The following LIN54 variants were observed in gnomAD, a reference collection of about 807,000 sequenced individuals.
LIN54 encodes the protein lin-54 DREAM MuvB core complex component, also known as protein lin-54 homolog.
Under a neutral mutation model 78.7 loss-of-function variants are expected in LIN54, and 9 were observed. That is an observed-to-expected ratio of 0.11 (90% CI 0.07 to 0.20). The LOEUF (loss-of-function observed/expected upper bound fraction) is 0.20, where lower values mean the gene tolerates loss of function less well. Ranked by LOEUF, LIN54 falls within the 10% of genes least tolerant of loss-of-function variation. The pLI is 1.00. For synonymous variants in LIN54, 269 were observed against 318.4 expected (o/e 0.84, Z 1.65); for missense variants, 573 against 889.9 (o/e 0.64, Z 4.53).
At chr4:83,003,172 C>T (rs1221804259) in intron 1 of LIN54, among the ~76,000 whole-genome samples, 1 of 152,088 alleles carries the variant, frequency 6.6e-6, no homozygotes, top group Non-Finnish European at 1.5e-5. Flanking sequence ...TGCCACCACG[C>T]TTGGCTTATT....
Position 82,969,009 on chromosome 4 carries a change from G to A in LIN54, c.951+1318C>T, listed in dbSNP as rs539240722. Among the ~76,000 whole-genome samples the A allele has an allele frequency of 1.1e-4, 16 of 152,122 alleles. No homozygotes were observed. In the South Asian group the frequency reaches 3.3e-3, roughly 32 times the overall value. On this transcript the variant is annotated intron_variant, in intron 4 of 12. Transcript: ENST00000340417. ...CAGGTGATCCCAATAAGCAGATAAG[G>A]GCGAGAATCACTGTCCTAGAAGCAA...
intron 4 of LIN54, 152 bp downstream of exon 4, chr4:82,970,175 A>C: frequency 1.5e-6 from 1 of 683,398 alleles, no homozygotes; most frequent in Non-Finnish European, 2.4e-6. Context: ...TTAATCTGTC[A>C]GACATCCTTG....
intron 4 of LIN54, among the ~76,000 whole-genome samples, chr4:82,967,183 G>A (rs988784384): frequency 2.0e-5 from 3 of 149,228 alleles, no homozygotes; most frequent in South Asian, 2.1e-4. Flanking sequence ...CCGAGATGGC[G>A]CCACTGCACT....
chr4:82,974,736 T>C (rs531131346), intron 3 of LIN54, among the ~76,000 whole-genome samples: 4 of 151,402 alleles, frequency 2.6e-5, no homozygotes. Flanking sequence ...GACTCCATCT[T>C]AAATCCCAGC....
chr4:82,937,379 A>G (rs955072742), intron 8 of LIN54, 81 bp from the exon 9 acceptor site: 2 of 866,424 alleles, frequency 2.3e-6, no homozygotes, highest in Non-Finnish European at 1.8e-6. Flanking sequence ...CTAATTTAAA[A>G]TTTAAAAAAT....
chr4:82,999,487 G>T (rs767176229), intron 1 of LIN54, among the ~76,000 whole-genome samples: 1 of 152,032 alleles, frequency 6.6e-6, no homozygotes, highest in Non-Finnish European at 1.5e-5. Flanking sequence ...TTGGCCAGGT[G>T]TGGCCAAAGT....
chr4:82,953,984 C>T (rs1724069464), intron 4 of LIN54, among the ~76,000 whole-genome samples: 1 of 151,952 alleles, frequency 6.6e-6, no homozygotes, highest in Non-Finnish European at 1.5e-5. Context: ...AATCAAATAC[C>T]AATTTAACCA....
rs1211657190 is a variant in LIN54 at position 82,984,288 on chromosome 4, A to G, written c.557T>C (p.Val186Ala). The change falls in exon 2 of 13, where the codon GTT becomes GCT. Residue 186 changes from valine (V) to alanine (A), a missense_variant. Transcript: ENST00000340417. Reference protein sequence around the residue: ...AKLPPQQIKVVTIGGRPEVKP... With the variant: ...AKLPPQQIKVATIGGRPEVKP... Reference sequence around the variant, plus strand: ...CACCTCTGGCCTCCCTCCAATGGTAACTACTTTAATTTGCTGCGGTGGTAA... The same window carrying G: ...CACCTCTGGCCTCCCTCCAATGGTAGCTACTTTAATTTGCTGCGGTGGTAA... 6.2e-7 allele frequency: 1 copy of G among 1,614,038 alleles called. No individual in the cohort carries two copies. The highest frequency in any genetic ancestry group is 8.5e-7 in the Non-Finnish European group (1 of 1,180,052).
At chr4:82,998,021 T>C (rs1728378007) in intron 1 of LIN54, among the ~76,000 whole-genome samples, 2 of 106,558 alleles carry the variant, frequency 1.9e-5, no homozygotes, top group Non-Finnish European at 3.6e-5. Flanking sequence ...AATATATATA[T>C]AATAATATAT....
intron 4 of LIN54, among the ~76,000 whole-genome samples, chr4:82,963,289 A>G (rs1468696196): frequency 6.6e-6 from 1 of 152,192 alleles, no homozygotes; most frequent in East Asian, 1.9e-4. Context: ...TTTTCAAACA[A>G]GCAAAAGCTG....
chr4:82,959,690 G>A (rs1724633666), intron 4 of LIN54, among the ~76,000 whole-genome samples: 1 of 151,940 alleles, frequency 6.6e-6, no homozygotes, highest in African/African-American at 2.4e-5. Context: ...GATAGATGAT[G>A]ACACAAAAAT....
At chr4:82,990,599 T>C (rs1727599837) in intron 1 of LIN54, among the ~76,000 whole-genome samples, 1 of 152,010 alleles carries the variant, frequency 6.6e-6, no homozygotes, top group Non-Finnish European at 1.5e-5. Flanking sequence ...TTCTCCTGCC[T>C]CAGCCTCCTG....
chr4:82,959,303 G>A (rs1191227918), intron 4 of LIN54, among the ~76,000 whole-genome samples: 1 of 152,008 alleles, frequency 6.6e-6, no homozygotes, highest in African/African-American at 2.4e-5. Flanking sequence ...AGACCAGCCT[G>A]GGCAACATCA....
intron 2 of LIN54, 117 bp downstream of exon 2, chr4:82,984,044 A>G (rs2126086504): frequency 1.4e-6 from 1 of 714,432 alleles, no homozygotes; most frequent in Non-Finnish European, 2.3e-6. Flanking sequence ...ACATAAAACA[A>G]CATTCAAAAG....
chr4:82,967,464 G>A (rs80099949), intron 4 of LIN54, among the ~76,000 whole-genome samples: 3 of 152,204 alleles, frequency 2.0e-5, no homozygotes, highest in Non-Finnish European at 4.4e-5. Flanking sequence ...AGTTAGGCAA[G>A]CTGCACTTTT....
In LIN54 at chr4:82,984,645, G is replaced by A; in HGVS notation, c.200C>T (p.Thr67Ile). 6.2e-7 allele frequency: 1 copy of A among 1,614,146 alleles called. No individual in the cohort carries two copies. ...TATPISTEPI[T>I]VYSNHTNQVA... ...TTGGTTAGTGTGGTTACTGTACACT[G>A]TGATTGGTTCCGTGGAAATGGGCGT... Residue 67 changes from threonine to isoleucine, a missense_variant, in exon 2 of 13, where the codon ACA becomes ATA. Transcript: ENST00000340417.
At chr4:82,946,226 T>C in intron 5 of LIN54, 32 bp downstream of exon 5, 1 of 1,505,540 alleles carries the variant, frequency 6.6e-7, no homozygotes, top group South Asian at 1.1e-5. Context: ...GTTAAAAGCA[T>C]GAATTACTGT....
chr4:82,941,769 G>T (rs1343646875), intron 5 of LIN54, among the ~76,000 whole-genome samples: 1 of 152,176 alleles, frequency 6.6e-6, no homozygotes, highest in African/African-American at 2.4e-5. Context: ...CGAAGAAAAT[G>T]TAAGTCACTG....
intron 1 of LIN54, among the ~76,000 whole-genome samples, chr4:83,008,142 T>G (rs776513091): frequency 1.3e-5 from 2 of 152,136 alleles, no homozygotes; most frequent in Non-Finnish European, 2.9e-5. Context: ...CTGAAGTATA[T>G]CTCTGAGATT....
Sources: gnomAD v4.1 joint callset for allele counts (sites outside exome capture counted in the v4.1 genomes callset) on GRCh38, gnomAD v4.1.1 for gene constraint, MANE v1.5 for transcripts, NCBI Gene and HGNC (gene_info 2026-07-23, HGNC 2026-07-21) for gene names.